STAT5A: variants seen among roughly 807,000 people sequenced by gnomAD.
STAT5A encodes epididymis secretory sperm binding protein.
STAT5A carries 26 observed loss-of-function variants against 100.2 expected under a neutral mutation model. The observed-to-expected ratio is 0.26, with a 90% CI of 0.19 to 0.36. The LOEUF is 0.36. STAT5A is among the 10% of genes least tolerant of loss of function. The pLI is 1.00. For missense variants in STAT5A, 634 were observed against 1,027.5 expected, an observed-to-expected ratio of 0.62 and a Z score of 5.24; for synonymous variants, 330 against 424.3, an observed-to-expected ratio of 0.78 and a Z score of 2.73.
In STAT5A at chr17:42,300,831, A is replaced by G. The variant is rs768770625; in HGVS notation, c.950A>G (p.Asn317Ser). ...GPVEEMLAEV[N>S]ATITDIISAL... The stretch of plus-strand genomic sequence containing the variant: ...GTGGAGGAGATGCTGGCCGAGGTCA[A>G]CGCCACCATCACGGACATTATCTCA... The change falls in exon 8 of 19, where the codon AAC becomes AGC. Residue 317 changes from asparagine to serine, a missense_variant. Asn to Ser is a conservative substitution (Grantham distance 46). Around this residue, in one of 5 missense-constraint regions of STAT5A, gnomAD observed 98 missense variants for 149.7 expected, o/e 0.65. Transcript: ENST00000590949. 2.5e-6 allele frequency: 4 copies of G among 1,612,364 alleles called. No individual in the cohort carries two copies. The South Asian group carries it at 3.3e-5, about 13-fold the overall frequency.
At chr17:42,291,766 T>C (rs1245614204) in intron 3 of STAT5A, among the ~76,000 whole-genome samples, 2 of 151,708 alleles carry the variant, frequency 1.3e-5, no homozygotes, top group African/African-American at 2.4e-5. Flanking sequence ...CTGTGGGTTT[T>C]TAATTCGCTC....
At position 42,307,433 on chromosome 17, in the gene STAT5A, G is replaced by A; in HGVS notation, c.1712G>A (p.Trp571Ter). ...TTGCCGGGCTGGAACTACACCTTCT[G>A]GCAGTGGTTTGACGGGGTGATGGAG... ...ENLPGWNYTF[W>*]QWFDGVMEVL... Residue 571 changes from tryptophan to a stop codon, truncating the protein, a stop_gained, in exon 14 of 19, where the codon TGG becomes TAG. Transcript: ENST00000590949. LOFTEE classifies it high-confidence loss of function. The A allele has an allele frequency of 6.2e-7, 1 of 1,614,096 alleles. No individual in the cohort carries two copies. The highest frequency in any genetic ancestry group is 8.5e-7 in the Non-Finnish European group (1 of 1,180,004).
At position 42,290,012 on chromosome 17, in the gene STAT5A, C is replaced by T. The variant is rs777761052; in HGVS notation, c.275C>T (p.Thr92Met). The T allele has an allele frequency of 1.4e-5, 23 of 1,612,348 alleles. No homozygotes were observed. Among genetic ancestry groups the T allele is most frequent in the South Asian group, 3.3e-5 (3 of 90,686 alleles). Residue 92 changes from threonine (T) to methionine (M), a missense_variant, in exon 3 of 19, where the codon ACG becomes ATG. Around this residue, in one of 5 missense-constraint regions of STAT5A, gnomAD observed 207 missense variants for 256.6 expected, o/e 0.81. Coordinates refer to ENST00000590949, the MANE Select transcript of STAT5A (RefSeq NM_001288718.2). ...AAGATCAAGCTGGGGCACTACGCCA[C>T]GCAGCTCCAGGTGGGTGTAGGCTCT... The part of the protein sequence containing the change: ...LLKIKLGHYA[T>M]QLQKTYDRCP...
At chr17:42,298,493 A>G (rs1346738401) in intron 5 of STAT5A, among the ~76,000 whole-genome samples, 1 of 130,086 alleles carries the variant, frequency 7.7e-6, no homozygotes, top group Non-Finnish European at 1.6e-5. Context: ...TTTTTTTTAG[A>G]CAGAGTCTAG....
chr17:42,297,434 G>A (rs2080929479), intron 5 of STAT5A, among the ~76,000 whole-genome samples: 1 of 152,060 alleles, frequency 6.6e-6, no homozygotes. Flanking sequence ...TGGCGGATTA[G>A]GTTTGGATTC....
At chr17:42,288,232 C>T (rs2080831567), upstream of STAT5A, 1 of 152,202 alleles carries the variant, frequency 6.6e-6, no homozygotes, top group Non-Finnish European at 1.5e-5. This position sits in a 1 kb window ranked among gnomAD's most constrained non-coding sequence, Gnocchi z 4.8. Context: ...CGCCCCGGTT[C>T]CGGGACGCTC....
intron 15 of STAT5A, 125 bp downstream of exon 15, chr17:42,307,848 G>A: frequency 7.3e-7 from 1 of 1,368,398 alleles, no homozygotes; most frequent in Non-Finnish European, 9.9e-7. Context: ...TAGTATGAGA[G>A]GGCTGTGGCT....
rs202199601 is a variant in STAT5A at position 42,295,708 on chromosome 17, G to A, written c.465G>A (p.Thr155=). ...CATTTGAGGAGCTGCGACTGGTCACGCAGGACACAGAGAATGAGCTGAAGA... is the reference window on the plus strand; with the variant it reads ...CATTTGAGGAGCTGCGACTGGTCACACAGGACACAGAGAATGAGCTGAAGA... The part of the protein sequence containing the change: ...NQTFEELRLV[T]QDTENELKKL... Residue 155 remains threonine, a synonymous_variant, in exon 5 of 19, where the codon ACG becomes ACA. Coordinates refer to ENST00000590949, the MANE Select transcript of STAT5A (RefSeq NM_001288718.2). 1.5e-4 allele frequency: 249 copies of A among 1,613,786 alleles called. 1 individual carries two copies. In the East Asian group the frequency reaches 4.6e-3, roughly 30 times the overall value.
Position 42,299,745 on chromosome 17 carries a change from C to T in STAT5A, c.551-6C>T. On this transcript the variant is annotated splice_polypyrimidine_tract_variant and splice_region_variant and intron_variant, in intron 5 of 18. Transcript: ENST00000590949. ...GATGGTCATGGTTTCCTCTTCTCTCCTCTAGCTCAGTTTGCCCAGCTGGCC... is the reference window on the plus strand; with the variant it reads ...GATGGTCATGGTTTCCTCTTCTCTCTTCTAGCTCAGTTTGCCCAGCTGGCC... 6.2e-7 allele frequency: 1 copy of T among 1,614,216 alleles called. No individual in the cohort carries two copies.
At position 42,296,365 on chromosome 17, in the gene STAT5A, T is replaced by C. The variant is rs187539866; in HGVS notation, c.550+572T>C. On this transcript the variant is annotated intron_variant, in intron 5 of 18. Coordinates refer to ENST00000590949, the MANE Select transcript of STAT5A (RefSeq NM_001288718.2). ...AGAAAATTCTCCTGTATCCTAGGTCTGTAGTTCGCCAATGGCTCCCATGAT... is the reference window on the plus strand; with the variant it reads ...AGAAAATTCTCCTGTATCCTAGGTCCGTAGTTCGCCAATGGCTCCCATGAT... 1.5e-3 allele frequency among the ~76,000 whole-genome samples: 226 copies of C among 152,232 alleles called. 3 individuals carry two copies. The highest frequency in any genetic ancestry group is 1.9e-3 in the East Asian group (10 of 5,182).
intron 1 of STAT5A, 84 bp from the exon 2 acceptor site, chr17:42,289,318 A>G: frequency 2.1e-6 from 3 of 1,427,894 alleles, no homozygotes; most frequent in Middle Eastern, 5.1e-4. Context: ...CGGTCCAGGG[A>G]TAGGTAGGCA....
chr17:42,310,724 G>T lies in STAT5A; in HGVS notation c.*55G>T, dbSNP rs1258932347. 3.4e-5 allele frequency: 55 copies of T among 1,609,538 alleles called. No homozygotes were observed. The highest frequency in any genetic ancestry group is 4.3e-5 in the Non-Finnish European group (51 of 1,177,154). On this transcript the variant is annotated 3_prime_UTR_variant, in exon 19 of 19. Coordinates refer to ENST00000590949, the MANE Select transcript of STAT5A (RefSeq NM_001288718.2). ...ACAATATGCAATGTGAAGCGGTCGT[G>T]TTGTGAGTTTAGTAAGGCTGTGTAC...
Position 42,311,196 on chromosome 17 carries a change from G to A in STAT5A, c.*527G>A, listed in dbSNP as rs949326328. ...TAACCGATTCATCTCTCAGAAGGGA[G>A]GCTGGGGTTCATTTTCGAGTAGTAT... On this transcript the variant is annotated 3_prime_UTR_variant, in exon 19 of 19. Transcript: ENST00000590949. The A allele has an allele frequency of 1.8e-5, 3 of 162,426 alleles. No homozygotes were observed. Among genetic ancestry groups the A allele is most frequent in the African/African-American group, 7.2e-5 (3 of 41,746 alleles). The allele number at this position is 162,426 out of a possible 1,614,324, so 10.1% of individuals were successfully genotyped here.
intron 18 of STAT5A, among the ~76,000 whole-genome samples, 200 bp from the exon 19 acceptor site, chr17:42,310,307 G>A (rs2081067887): frequency 6.6e-6 from 1 of 152,264 alleles, no homozygotes; most frequent in Admixed American, 6.5e-5. Flanking sequence ...GAGTTAGCAA[G>A]AGATGCGAAT....
At chr17:42,296,366 G>A (rs2144515546) in intron 5 of STAT5A, among the ~76,000 whole-genome samples, 1 of 152,158 alleles carries the variant, frequency 6.6e-6, no homozygotes, top group Admixed American at 6.5e-5. Context: ...TCCTAGGTCT[G>A]TAGTTCGCCA....
intron 9 of STAT5A, among the ~76,000 whole-genome samples, chr17:42,302,307 G>A (rs2080988190): frequency 6.6e-6 from 1 of 152,258 alleles, no homozygotes; most frequent in Non-Finnish European, 1.5e-5. Flanking sequence ...CAGATGCTGG[G>A]AAATGCCTGA....
At chr17:42,291,290 C>T (rs1326181381) in intron 3 of STAT5A, among the ~76,000 whole-genome samples, 6 of 152,184 alleles carry the variant, frequency 3.9e-5, no homozygotes, top group Middle Eastern at 3.2e-3. Context: ...ACAGATGAAG[C>T]GTCACTCACT....
intron 4 of STAT5A, among the ~76,000 whole-genome samples, chr17:42,294,746 G>T (rs1327314359): frequency 6.6e-6 from 1 of 152,192 alleles, no homozygotes; most frequent in Non-Finnish European, 1.5e-5. Context: ...CAGCGAGCTG[G>T]GGTTGGAGGT....
At chr17:42,301,174 G>A (rs1186330758) in intron 8 of STAT5A, 101 bp from the exon 9 acceptor site, 2 of 1,538,050 alleles carry the variant, frequency 1.3e-6, no homozygotes, top group Non-Finnish European at 1.8e-6. Context: ...ATCACCTCCT[G>A]AGCCCCATGG....
Sources: allele counts gnomAD v4.1 joint callset (sites outside exome capture counted in the v4.1 genomes callset), GRCh38; gene constraint gnomAD v4.1.1; regional missense constraint gnomAD v4.1.1; non-coding constraint Gnocchi (gnomAD v3.1); transcripts MANE v1.5; gene names NCBI Gene and HGNC (gene_info 2026-07-23, HGNC 2026-07-21).